Variants in DGKG observed in about 807,000 individuals in gnomAD.
DGKG encodes diacylglycerol kinase gamma.
In DGKG, 78 loss-of-function variants were observed where a neutral mutation model predicts 105.3. That is an observed-to-expected ratio of 0.74 (90% CI 0.62 to 0.89). The LOEUF is 0.89. Among genes scored for constraint, DGKG ranks in the 40% least tolerant of loss-of-function variants. The pLI is 0.00. For synonymous variants in DGKG, 346 were observed against 367.1 expected, an observed-to-expected ratio of 0.94 and a Z score of 0.66; for missense variants, 958 against 1,020.1, an observed-to-expected ratio of 0.94 and a Z score of 0.83.
At chr3:186,328,716 C>T (rs1431806727) in intron 1 of DGKG, among the ~76,000 whole-genome samples, 2 of 151,940 alleles carry the variant, frequency 1.3e-5, no homozygotes, top group South Asian at 2.1e-4. Context: ...GCTGGGACTA[C>T]AGGCACCTGC....
chr3:186,259,672 AGAG>A (rs1721659466), intron 16 of DGKG, among the ~76,000 whole-genome samples: 1 of 152,026 alleles, frequency 6.6e-6, no homozygotes, highest in South Asian at 2.1e-4. Context: ...AGCCCAGCCC[AGAG>A]TATGCAGACA....
chr3:186,199,137 G>C (rs1406393118), intron 21 of DGKG, among the ~76,000 whole-genome samples: 1 of 152,054 alleles, frequency 6.6e-6, no homozygotes, highest in African/African-American at 2.4e-5. Context: ...TTTTAGTAGA[G>C]ACAGGGTTTC....
chr3:186,297,945 T>C (rs1723669213), intron 4 of DGKG, 119 bp downstream of exon 4: 3 of 1,199,728 alleles, frequency 2.5e-6, no homozygotes, highest in African/African-American at 1.5e-5. Flanking sequence ...CCTTGGTTCA[T>C]GTTCGCACCG....
chr3:186,147,373 C>G lies in DGKG; in HGVS notation c.*2717G>C. ...AAACCTCATTAAGCCTTGTTCTCCT[C>G]ATTGAGATCGAGATAATAATACCTT... On this transcript the variant is annotated 3_prime_UTR_variant, in exon 25 of 25. Transcript: ENST00000265022. 1.0e-6 allele frequency: 1 copy of G among 979,376 alleles called. No individual in the cohort carries two copies. Among genetic ancestry groups the G allele is most frequent in the Non-Finnish European group, 1.2e-6 (1 of 824,070 alleles). The allele number at this position is 979,376 out of a possible 1,614,324, so 60.7% of individuals were successfully genotyped here.
At chr3:186,326,296 G>A (rs927660614) in intron 1 of DGKG, among the ~76,000 whole-genome samples, 2 of 152,060 alleles carry the variant, frequency 1.3e-5, no homozygotes, top group Non-Finnish European at 1.5e-5. Context: ...GGAGGCTGAG[G>A]TAGGAGAATT....
chr3:186,353,793 C>T (rs1290182068), intron 1 of DGKG, among the ~76,000 whole-genome samples: 1 of 151,900 alleles, frequency 6.6e-6, no homozygotes, highest in Non-Finnish European at 1.5e-5. Context: ...GAAGTGGGTG[C>T]TCAGCACATA....
At chr3:186,305,683 G>A (rs1358703025) in intron 3 of DGKG, among the ~76,000 whole-genome samples, 2 of 152,186 alleles carry the variant, frequency 1.3e-5, no homozygotes, top group Non-Finnish European at 2.9e-5. Flanking sequence ...AAAATATGGT[G>A]ATGACTCAGG....
At chr3:186,171,273 G>A (rs1184003541) in intron 22 of DGKG, among the ~76,000 whole-genome samples, 1 of 152,212 alleles carries the variant, frequency 6.6e-6, no homozygotes, top group African/African-American at 2.4e-5. Flanking sequence ...CTTGATATAT[G>A]TTTGTTGAAT....
rs201594206 is a variant in DGKG, at chr3:186,275,525, G to A, written c.910+22C>T. 1.6e-5 allele frequency: 25 copies of A among 1,596,362 alleles called. 1 individual carries two copies. The East Asian group carries it at 1.8e-4, about 11-fold the overall frequency. ...GAGCAAGATAGTGCCTGGGGGAAGAGGTTTGAAGGAAATTTACTCACAAGT... is the reference window on the plus strand; with the variant it reads ...GAGCAAGATAGTGCCTGGGGGAAGAAGTTTGAAGGAAATTTACTCACAAGT... On this transcript the variant is annotated intron_variant, in intron 10 of 24. Transcript: ENST00000265022.
rs3216624 is a variant in DGKG, at chr3:186,307,881, C to CTTT, written c.68-907_68-905dup. ...TTCTGGAATCTTGACAACTCTGTCC[C>CTTT]TTTTTTTTTTTTTTACCTGATTTTT... On this transcript the variant is annotated intron_variant, in intron 2 of 24. Transcript: ENST00000265022. Among the ~76,000 whole-genome samples, 579 of 144,560 alleles carry CTTT rather than the reference C, an allele frequency of 4.0e-3. 8 individuals carry two copies. Among genetic ancestry groups the CTTT allele is most frequent in the East Asian group, 0.035 (174 of 5,024 alleles). The allele number at this position is 144,560 out of a possible 152,430, so 94.8% of individuals were successfully genotyped here. A position where few individuals can be genotyped will look rare whatever the true frequency, so the allele number is the denominator to read the frequency against.
intron 3 of DGKG, among the ~76,000 whole-genome samples, chr3:186,299,075 T>C (rs1004104301): frequency 4.6e-5 from 7 of 152,202 alleles, no homozygotes; most frequent in African/African-American, 1.7e-4. Context: ...GCTGCTGCAC[T>C]CAGCAAACAC....
At chr3:186,359,661 T>C (rs1030705788) in intron 1 of DGKG, among the ~76,000 whole-genome samples, 1 of 152,138 alleles carries the variant, frequency 6.6e-6, no homozygotes, top group Admixed American at 6.5e-5. Context: ...ATAATGAATA[T>C]AAAATTTAAC....
At chr3:186,161,712 G>A in intron 23 of DGKG, 49 bp from the exon 24 acceptor site, 1 of 1,613,614 alleles carries the variant, frequency 6.2e-7, no homozygotes. Flanking sequence ...TCAAGTGGGA[G>A]AATCAAGGTT....
chr3:186,271,020 G>A (rs1560126225), intron 11 of DGKG, among the ~76,000 whole-genome samples: 1 of 152,318 alleles, frequency 6.6e-6, no homozygotes, highest in East Asian at 1.9e-4. Context: ...AGGCGTGGAC[G>A]AGAGACCATG....
chr3:186,280,741 T>G lies in DGKG; in HGVS notation c.598A>C (p.Met200Leu). 1 of 1,613,282 alleles carries G rather than the reference T, an allele frequency of 6.2e-7. No individual in the cohort carries two copies. Among genetic ancestry groups the G allele is most frequent in the South Asian group, 1.1e-5 (1 of 91,048 alleles). The change falls in exon 8 of 25, where the codon ATG becomes CTG. Residue 200 changes from methionine to leucine, a missense_variant. Met to Leu is a conservative substitution (Grantham distance 15, BLOSUM62 2). Transcript: ENST00000265022. ...DENGLLDQAE[M>L]DCIVNQMLHI... ...AGCATTTGGTTGACAATGCAATCCA[T>G]CTCCTAGAAAATAGCAAAGGGAGAA... is the stretch of plus-strand genomic sequence containing the variant.
At chr3:186,164,835 G>A in intron 23 of DGKG, 63 bp downstream of exon 23, 1 of 1,521,304 alleles carries the variant, frequency 6.6e-7, no homozygotes. Context: ...CTTCTCAGTT[G>A]TCTGCATGAA....
At chr3:186,343,539 T>C (rs36112209) in intron 1 of DGKG, among the ~76,000 whole-genome samples, 49,788 of 152,002 alleles carry the variant, frequency 0.33, 10,104 homozygotes, top group African/African-American at 0.58. Context: ...GCAATCTGCC[T>C]GCCTCCCAAA....
intron 7 of DGKG, among the ~76,000 whole-genome samples, chr3:186,283,846 A>T (rs961713243): frequency 6.6e-6 from 1 of 152,202 alleles, no homozygotes; most frequent in Non-Finnish European, 1.5e-5. Flanking sequence ...GGGAATTGGG[A>T]TGATTCAGTT....
At chr3:186,170,407 A>G (rs1209900727) in intron 22 of DGKG, among the ~76,000 whole-genome samples, 1 of 152,184 alleles carries the variant, frequency 6.6e-6, no homozygotes, top group Non-Finnish European at 1.5e-5. Flanking sequence ...GCCACACCCC[A>G]GACCTACCCA....
Sources: allele counts gnomAD v4.1 joint callset (sites outside exome capture counted in the v4.1 genomes callset), GRCh38; gene constraint gnomAD v4.1.1; transcripts MANE v1.5; gene names NCBI Gene and HGNC (gene_info 2026-07-23, HGNC 2026-07-21).